P3H2: variants seen among roughly 807,000 people sequenced by gnomAD.
P3H2 encodes the protein prolyl 3-hydroxylase 2.
P3H2 carries 80 observed loss-of-function variants against 87.0 expected under a neutral mutation model. The observed-to-expected ratio is 0.92, with a 90% CI of 0.77 to 1.11. P3H2 has a LOEUF of 1.11. Ranked by LOEUF, P3H2 falls within the 50% of genes least tolerant of loss-of-function variation. The pLI is 0.00. For synonymous variants in P3H2, 367 were observed against 359.3 expected, an observed-to-expected ratio of 1.02 and a Z score of -0.24; for missense variants, 1,001 against 923.9, an observed-to-expected ratio of 1.08 and a Z score of -1.08.
At chr3:190,076,590 T>C (rs564752806) in intron 1 of P3H2, among the ~76,000 whole-genome samples, 17 of 152,346 alleles carry the variant, frequency 1.1e-4, no homozygotes, top group East Asian at 9.6e-4. Context: ...ATCTGGGTTA[T>C]TGACATTTGC....
chr3:190,106,462 T>C (rs13063560), intron 1 of P3H2, among the ~76,000 whole-genome samples: 17,507 of 152,194 alleles, frequency 0.12, 1,125 homozygotes, highest in Middle Eastern at 0.2. Flanking sequence ...CTTACCATGA[T>C]ATATTTGCCT....
Position 190,120,711 on chromosome 3 carries a change from C to G in P3H2, c.21G>C (p.Ala7=). The change falls in exon 1 of 15, where the codon GCG becomes GCC. Residue 7 remains alanine (A), a synonymous_variant. Transcript: ENST00000319332. MRERIW[A]PPLLLLLPLL... ...GCGGCAGCAGCAGCAGCAGCGGCGG[C>G]GCCCAGATGCGCTCCCGCATCCTCC... The G allele has an allele frequency of 6.6e-7, 1 of 1,518,834 alleles. No individual in the cohort carries two copies. The highest frequency in any genetic ancestry group is 8.8e-7 in the Non-Finnish European group (1 of 1,140,518). The allele number at this position is 1,518,834 out of a possible 1,614,324, so 94.1% of individuals were successfully genotyped here.
At chr3:190,090,150 G>A (rs1023261177) in intron 1 of P3H2, among the ~76,000 whole-genome samples, 2 of 152,080 alleles carry the variant, frequency 1.3e-5, no homozygotes, top group African/African-American at 4.8e-5. Context: ...TATGCATCAG[G>A]TCAAACATGC....
chr3:190,089,872 T>C (rs577599587), intron 1 of P3H2, among the ~76,000 whole-genome samples: 29 of 152,260 alleles, frequency 1.9e-4, no homozygotes, highest in African/African-American at 7.0e-4. Flanking sequence ...TGATCCCATA[T>C]TTAGCTAGTA....
At chr3:189,977,694 A>G (rs943763648) in intron 8 of P3H2, among the ~76,000 whole-genome samples, 2 of 151,376 alleles carry the variant, frequency 1.3e-5, no homozygotes, top group South Asian at 4.2e-4. Flanking sequence ...TTGACCTCCT[A>G]TCCTCAAGCA....
chr3:190,016,819 C>T (rs1387428261), intron 1 of P3H2, among the ~76,000 whole-genome samples: 1 of 152,190 alleles, frequency 6.6e-6, no homozygotes, highest in Non-Finnish European at 1.5e-5. Context: ...CATTCAGCAA[C>T]AGGACATTCA....
intron 1 of P3H2, among the ~76,000 whole-genome samples, chr3:189,997,356 G>A (rs975480931): frequency 6.6e-6 from 1 of 152,140 alleles, no homozygotes; most frequent in Non-Finnish European, 1.5e-5. Flanking sequence ...ATTCACATTA[G>A]TTATCGTTTT....
intron 1 of P3H2, among the ~76,000 whole-genome samples, chr3:190,100,285 A>G (rs1711574789): frequency 8.1e-6 from 1 of 124,068 alleles, no homozygotes; most frequent in African/African-American, 3.1e-5. Flanking sequence ...CTATGATTGC[A>G]TAAGGCTTGC....
chr3:190,101,073 T>C (rs1285151423), intron 1 of P3H2, among the ~76,000 whole-genome samples: 2 of 152,120 alleles, frequency 1.3e-5, no homozygotes, highest in South Asian at 2.1e-4. Context: ...ACCATGCCCA[T>C]ATAAGATGGC....
chr3:190,067,695 T>A (rs1262521346), intron 1 of P3H2, among the ~76,000 whole-genome samples: 1 of 152,182 alleles, frequency 6.6e-6, no homozygotes, highest in African/African-American at 2.4e-5. Flanking sequence ...CTTCTTCTCC[T>A]CCTCTTAAGT....
intron 1 of P3H2, among the ~76,000 whole-genome samples, chr3:189,998,791 C>T (rs1217508300): frequency 6.6e-6 from 1 of 152,130 alleles, no homozygotes; most frequent in South Asian, 2.1e-4. Context: ...GCACCAGGGT[C>T]CAGTTTCATG....
intron 8 of P3H2, among the ~76,000 whole-genome samples, chr3:189,980,703 A>C (rs762495423): frequency 6.6e-6 from 1 of 152,202 alleles, no homozygotes. Context: ...TAAGAAATAT[A>C]CTGGTTTTTA....
Position 190,120,234 on chromosome 3 carries a change from G to A in P3H2, c.480+18C>T. 1 of 1,606,904 alleles carries A rather than the reference G, an allele frequency of 6.2e-7. No homozygotes were observed. Among genetic ancestry groups the A allele is most frequent in the Non-Finnish European group, 8.5e-7 (1 of 1,177,704 alleles). Reference sequence around the variant, plus strand: ...AGAGCCGCAGGGGCTTTGCAGTGGAGGAGCGCTCTGTGGGTACCTTGATGT... The same window carrying A: ...AGAGCCGCAGGGGCTTTGCAGTGGAAGAGCGCTCTGTGGGTACCTTGATGT... On this transcript the variant is annotated intron_variant, in intron 1 of 14. Coordinates refer to ENST00000319332, the MANE Select transcript of P3H2 (RefSeq NM_018192.4).
In P3H2 at chr3:189,995,441, A is replaced by T. The variant is rs1724024570; in HGVS notation, c.482T>A (p.Leu161His). The T allele has an allele frequency of 6.2e-7, 1 of 1,613,252 alleles. No individual in the cohort carries two copies. ...YNYLQRAYIKLNQLEKAVEAA... is the reference protein window; with the variant it reads ...YNYLQRAYIKHNQLEKAVEAA... ...TTCCACTGCTTTTTCGAGCTGGTTA[A>T]GCTAAAGAGAAAAAAAAATGACCAA... The change falls in exon 2 of 15, where the codon CTT (leucine) becomes CAT (histidine). Residue 161 changes from leucine (L) to histidine (H), a missense_variant and splice_region_variant. Coordinates refer to ENST00000319332, the MANE Select transcript of P3H2 (RefSeq NM_018192.4).
intron 1 of P3H2, among the ~76,000 whole-genome samples, chr3:190,107,908 C>CA (rs1358207409): frequency 2.6e-5 from 4 of 152,002 alleles, no homozygotes; most frequent in Admixed American, 1.3e-4. Flanking sequence ...TCTCTGTTTC[C>CA]AATAGTATTT....
At chr3:190,118,890 C>T (rs1038134261) in intron 1 of P3H2, among the ~76,000 whole-genome samples, 3 of 151,356 alleles carry the variant, frequency 2.0e-5, no homozygotes, top group South Asian at 2.1e-4. Flanking sequence ...GTCAGGAGTT[C>T]GAGACCAGCC....
At chr3:190,030,204 T>C (rs955710219) in intron 1 of P3H2, among the ~76,000 whole-genome samples, 7 of 152,128 alleles carry the variant, frequency 4.6e-5, no homozygotes, top group Admixed American at 1.3e-4. Context: ...ATGATCTTTA[T>C]AAGCAATGTG....
chr3:190,081,295 G>C (rs890287117), intron 1 of P3H2, among the ~76,000 whole-genome samples: 3 of 152,098 alleles, frequency 2.0e-5, no homozygotes, highest in Admixed American at 2.0e-4. Context: ...AGAGATAGAA[G>C]TCTTTAAGAC....
At chr3:190,069,156 A>G (rs79368114) in intron 1 of P3H2, among the ~76,000 whole-genome samples, 2,407 of 152,290 alleles carry the variant, frequency 0.016, 59 homozygotes, top group African/African-American at 0.056. Context: ...TAAGGATTAA[A>G]TATCTATAGG....
Sources: gnomAD v4.1 joint callset for allele counts (sites outside exome capture counted in the v4.1 genomes callset) on GRCh38, gnomAD v4.1.1 for gene constraint, MANE v1.5 for transcripts, NCBI Gene and HGNC (gene_info 2026-07-23, HGNC 2026-07-21) for gene names.